Variants in PDE4D observed in about 807,000 individuals in gnomAD.
PDE4D encodes phosphodiesterase 4D, also known as 3',5'-cyclic-AMP phosphodiesterase 4D.
In PDE4D, 24 loss-of-function variants were observed where a neutral mutation model predicts 87.4. The ratio of observed to expected loss-of-function variants is 0.27; its 90% CI spans 0.20 to 0.39. PDE4D has a LOEUF of 0.39. Among genes scored for constraint, PDE4D ranks in the 10% least tolerant of loss-of-function variants. The pLI, the probability that PDE4D is intolerant of heterozygous loss-of-function variation, is 1.00. For synonymous variants in PDE4D, 384 were observed against 383.2 expected, an observed-to-expected ratio of 1.00 and a Z score of -0.02; for missense variants, 714 against 1,041.0, an observed-to-expected ratio of 0.69 and a Z score of 4.32.
At chr5:59,507,664 C>CAAAAAAA (rs1284106865) in intron 1 of PDE4D, among the ~76,000 whole-genome samples, 2 of 79,808 alleles carry the variant, frequency 2.5e-5, no homozygotes, top group African/African-American at 1.0e-4. Context: ...TACCCTGTCT[C>CAAAAAAA]AAAAAAAAAA....
At chr5:60,246,951 T>C (rs1747846258) in intron 1 of PDE4D, among the ~76,000 whole-genome samples, 1 of 152,038 alleles carries the variant, frequency 6.6e-6, no homozygotes. Context: ...AGTTAATTTT[T>C]CAAGTTGTGA....
intron 2 of PDE4D, among the ~76,000 whole-genome samples, chr5:60,031,460 T>A (rs1207623895): frequency 1.3e-5 from 2 of 152,140 alleles, no homozygotes; most frequent in African/African-American, 4.8e-5. Flanking sequence ...GAATCCTAAA[T>A]ACAAGCATGC....
intron 1 of PDE4D, among the ~76,000 whole-genome samples, chr5:59,415,859 G>A (rs1039157399): frequency 6.6e-6 from 1 of 152,012 alleles, no homozygotes; most frequent in African/African-American, 2.4e-5. Flanking sequence ...TTTAAATGTG[G>A]TACCAGAAGA....
chr5:60,372,934 A>T (rs1761152027), intron 1 of PDE4D, among the ~76,000 whole-genome samples: 1 of 152,208 alleles, frequency 6.6e-6, no homozygotes. Flanking sequence ...CCTTAGAGGC[A>T]GTGAGATGGA....
chr5:59,346,429 G>A (rs957542368), intron 1 of PDE4D, among the ~76,000 whole-genome samples: 6 of 151,990 alleles, frequency 3.9e-5, no homozygotes, highest in African/African-American at 9.7e-5. Flanking sequence ...GCAAGACTGC[G>A]AGACTTTTTT....
At chr5:59,995,149 G>C (rs1475534661) in intron 2 of PDE4D, among the ~76,000 whole-genome samples, 1 of 152,086 alleles carries the variant, frequency 6.6e-6, no homozygotes, top group African/African-American at 2.4e-5. Context: ...GACAAAAAAA[G>C]ATGTAGATCA....
At chr5:60,096,810 T>C (rs1775724420) in intron 2 of PDE4D, among the ~76,000 whole-genome samples, 6 of 152,102 alleles carry the variant, frequency 3.9e-5, no homozygotes, top group Admixed American at 2.0e-4. Context: ...TTTTATGGTA[T>C]TTAATTACAT....
intron 1 of PDE4D, among the ~76,000 whole-genome samples, chr5:59,858,386 T>A (rs571640547): frequency 6.6e-6 from 1 of 152,184 alleles, no homozygotes; most frequent in South Asian, 2.1e-4. Flanking sequence ...TGCATCTATG[T>A]ATTCATTCTG....
chr5:60,393,394 A>G (rs1158140055), intron 1 of PDE4D, among the ~76,000 whole-genome samples: 2 of 152,208 alleles, frequency 1.3e-5, no homozygotes, highest in Non-Finnish European at 2.9e-5. Context: ...AGGGTCTAAG[A>G]GGAAATAAGT....
At chr5:60,513,013 T>G (rs774449275) in intron 1 of PDE4D, among the ~76,000 whole-genome samples, 2 of 152,046 alleles carry the variant, frequency 1.3e-5, no homozygotes, top group African/African-American at 2.4e-5. Flanking sequence ...ATAAATTTTC[T>G]AAACCTCAAG....
At chr5:59,119,869 G>A (rs1027163350) in intron 5 of PDE4D, among the ~76,000 whole-genome samples, 1 of 152,150 alleles carries the variant, frequency 6.6e-6, no homozygotes, top group Non-Finnish European at 1.5e-5. Context: ...TTTTGAGATG[G>A]GGTCTTGTTC....
At chr5:59,800,745 A>G (rs755751789) in intron 1 of PDE4D, among the ~76,000 whole-genome samples, 14 of 152,146 alleles carry the variant, frequency 9.2e-5, no homozygotes, top group Non-Finnish European at 1.3e-4. Flanking sequence ...TGTTCCACAC[A>G]CTTCTGGCTG....
chr5:59,562,572 T>A (rs1332047593), intron 1 of PDE4D, among the ~76,000 whole-genome samples: 1 of 152,198 alleles, frequency 6.6e-6, no homozygotes, highest in African/African-American at 2.4e-5. Context: ...GGGATAAAAA[T>A]CATTAGAATA....
chr5:59,639,543 A>G (rs1360536237), intron 1 of PDE4D, among the ~76,000 whole-genome samples: 1 of 152,180 alleles, frequency 6.6e-6, no homozygotes, highest in Non-Finnish European at 1.5e-5. Context: ...ATGGGAAGCT[A>G]AGGAGAGACT....
intron 1 of PDE4D, among the ~76,000 whole-genome samples, chr5:60,193,421 A>G (rs1444723189): frequency 2.6e-5 from 4 of 152,318 alleles, no homozygotes; most frequent in Admixed American, 2.6e-4. Flanking sequence ...CTGTAATCCC[A>G]GCACTTTGGG....
intron 1 of PDE4D, among the ~76,000 whole-genome samples, chr5:59,672,671 A>G (rs1398277711): frequency 6.6e-6 from 1 of 152,216 alleles, no homozygotes; most frequent in African/African-American, 2.4e-5. Context: ...AACTTGATGT[A>G]ATACAAAAAG....
rs1015665366 is a variant in PDE4D, at chr5:59,830,873, A to G, written c.455+62295T>C. ...ATAGAAATTTTAAAAATAGCTTAGTAATCCTTCAAAATAAAATTGTGTTCA... is the reference window on the plus strand; with the variant it reads ...ATAGAAATTTTAAAAATAGCTTAGTGATCCTTCAAAATAAAATTGTGTTCA... On this transcript the variant is annotated intron_variant, in intron 1 of 14. Transcript: ENST00000340635. 2.6e-5 allele frequency among the ~76,000 whole-genome samples: 4 copies of G among 152,082 alleles called. 1 individual carries two copies. Among genetic ancestry groups the G allele is most frequent in the Admixed American group, 2.6e-4 (4 of 15,248 alleles).
chr5:60,286,360 T>A (rs2149760359), intron 1 of PDE4D, among the ~76,000 whole-genome samples: 1 of 152,278 alleles, frequency 6.6e-6, no homozygotes, highest in South Asian at 2.1e-4. Context: ...TTGACAACAA[T>A]GAAACCAAGT....
chr5:60,046,081 A>C (rs1466122762), intron 2 of PDE4D, among the ~76,000 whole-genome samples: 1 of 152,138 alleles, frequency 6.6e-6, no homozygotes, highest in Admixed American at 6.5e-5. Context: ...GGTCCTTCAC[A>C]TCCCTTGTTA....
Sources: allele counts gnomAD v4.1 joint callset (sites outside exome capture counted in the v4.1 genomes callset), GRCh38; gene constraint gnomAD v4.1.1; transcripts MANE v1.5; gene names NCBI Gene and HGNC (gene_info 2026-07-23, HGNC 2026-07-21).